PEX5: variants seen among roughly 807,000 people sequenced by gnomAD.
PEX5 encodes PTS1 receptor.
Under a neutral mutation model 82.9 loss-of-function variants are expected in PEX5, and 52 were observed. The observed-to-expected ratio is 0.63, with a 90% CI of 0.50 to 0.79. The LOEUF (loss-of-function observed/expected upper bound fraction) is 0.79, where lower values mean the gene tolerates loss of function less well. Ranked by LOEUF, PEX5 falls within the 30% of genes least tolerant of loss-of-function variation. The probability of loss-of-function intolerance (pLI) is 0.00; values close to 1 mark genes in which losing one functional copy is unlikely to be tolerated. For missense variants in PEX5, 719 were observed against 815.2 expected (o/e 0.88, Z 1.44); for synonymous variants, 300 against 318.8 (o/e 0.94, Z 0.63).
At chr12:7,191,144 T>C in intron 3 of PEX5, 82 bp from the exon 4 acceptor site, 1 of 1,493,208 alleles carries the variant, frequency 6.7e-7, no homozygotes, top group South Asian at 1.1e-5. Context: ...TATCTAACAT[T>C]GGGATCCCCC....
intron 5 of PEX5, among the ~76,000 whole-genome samples, chr12:7,192,852 G>A (rs1017870056): frequency 2.0e-5 from 3 of 152,158 alleles, no homozygotes; most frequent in Non-Finnish European, 4.4e-5. Flanking sequence ...CTTCTTACCC[G>A]AAGCCTATCT....
rs1272594307 is a variant in PEX5 at position 7,199,097 on chromosome 12, A to G, written c.535A>G (p.Thr179Ala). Residue 179 changes from threonine to alanine, a missense_variant, in exon 6 of 16, where the codon ACA becomes GCA. Thr to Ala is a moderately conservative substitution (Grantham distance 58). Coordinates refer to ENST00000675855, the MANE Select transcript of PEX5 (RefSeq NM_001351132.2). ...GCTGTGGCTGGGAGAACCTGAGGGA[A>G]CAGCCACCGATCGCTGGTGAGTTCA... ...EKLWLGEPEG[T>A]ATDRWYDEYH... 6.3e-7 allele frequency: 1 copy of G among 1,598,074 alleles called. No individual in the cohort carries two copies. Among genetic ancestry groups the G allele is most frequent in the South Asian group, 1.1e-5 (1 of 89,150 alleles).
chr12:7,199,793 G>A (rs976266693), intron 6 of PEX5, among the ~76,000 whole-genome samples: 3 of 150,318 alleles, frequency 2.0e-5, no homozygotes, highest in Non-Finnish European at 3.0e-5. Context: ...GGGCAGAGGC[G>A]CCCCTCACCT....
intron 6 of PEX5, 127 bp downstream of exon 6, chr12:7,199,240 T>G (rs1330026835): frequency 2.2e-6 from 1 of 445,046 alleles, no homozygotes; most frequent in African/African-American, 2.3e-5. Flanking sequence ...CATTCTTGGG[T>G]GTTTCTTGCA....
chr12:7,197,394 A>ATATATGTCATATATAATGTAATAAT (rs1942865182), intron 5 of PEX5, among the ~76,000 whole-genome samples: 2 of 50,090 alleles, frequency 4.0e-5, no homozygotes, highest in African/African-American at 1.8e-4. Context: ...TGTAATAATT[A>ATATATGTCATATATAATGTAATAAT]TATATATGTC....
chr12:7,201,911 A>T, intron 7 of PEX5, 70 bp downstream of exon 7: 1 of 1,116,174 alleles, frequency 9.0e-7, no homozygotes, highest in Non-Finnish European at 1.4e-6. Context: ...TGCTTTTCTT[A>T]CCCCAGTTTA....
rs1189105276 is a variant in PEX5 at position 7,189,940 on chromosome 12, C to T, written c.-17+190C>T. ...GGTGACTTAAGGGGAGGGAATGCTC[C>T]TCTGCCGTGCTCACCGCGTGCTGGG... On this transcript the variant is annotated intron_variant, in intron 1 of 15. Coordinates refer to ENST00000675855, the MANE Select transcript of PEX5 (RefSeq NM_001351132.2). 3.4e-6 allele frequency: 5 copies of T among 1,484,414 alleles called. No individual in the cohort carries two copies. In the East Asian group the frequency reaches 7.6e-5, roughly 23 times the overall value. The allele number at this position is 1,484,414 out of a possible 1,614,324, so 92.0% of individuals were successfully genotyped here. A position where few individuals can be genotyped will look rare whatever the true frequency, so the allele number is the denominator to read the frequency against.
rs753917720 is a variant in PEX5, at chr12:7,209,019, A to G, written c.1409A>G (p.Glu470Gly). Residue 470 changes from glutamate to glycine, a missense_variant, in exon 14 of 16, where the codon GAA becomes GGA. Coordinates refer to ENST00000675855, the MANE Select transcript of PEX5 (RefSeq NM_001351132.2). ...TTTTCATCCAGCTCCCTGTTTCTTG[A>G]AGTGAAAGAGCTCTTCCTGGCAGCT... ...GSLLSDSLFL[E>G]VKELFLAAVR... 1 of 1,613,998 alleles carries G rather than the reference A, an allele frequency of 6.2e-7. No homozygotes were observed. Among genetic ancestry groups the G allele is most frequent in the Non-Finnish European group, 8.5e-7 (1 of 1,179,966 alleles).
In PEX5 at chr12:7,207,726, G is replaced by T. The variant is rs1423103418; in HGVS notation, c.1034G>T (p.Arg345Leu). Residue 345 changes from arginine (R) to leucine (L), a missense_variant, in exon 11 of 16, where the codon CGC (arginine) becomes CTC (leucine). Coordinates refer to ENST00000675855, the MANE Select transcript of PEX5 (RefSeq NM_001351132.2). ...CAGCCTTTTGAAGAAGGGCTGCGGCGCCTTCAGGAGGGGGACCTGCCAAAT... is the reference window on the plus strand; with the variant it reads ...CAGCCTTTTGAAGAAGGGCTGCGGCTCCTTCAGGAGGGGGACCTGCCAAAT... ...HPQPFEEGLR[R>L]LQEGDLPNAV... The T allele has an allele frequency of 6.2e-7, 1 of 1,614,058 alleles. No individual in the cohort carries two copies. The highest frequency in any genetic ancestry group is 1.1e-5 in the South Asian group (1 of 91,086).
At position 7,210,638 on chromosome 12, in the gene PEX5, AAGT is replaced by A. The variant is rs1219388998; in HGVS notation, c.*418_*420del. On this transcript the variant is annotated 3_prime_UTR_variant, in exon 16 of 16. Transcript: ENST00000675855. The stretch of plus-strand genomic sequence containing the variant: ...ATAGTCCAGCTTCCTTGGGCAGTGT[AAGT>A]AGGAGGTTCATCTGCTGTGCGCCTC... 13 of 328,234 alleles carry A rather than the reference AAGT, an allele frequency of 4.0e-5. No homozygotes were observed. Among genetic ancestry groups the A allele is most frequent in the Non-Finnish European group, 7.1e-5 (12 of 169,026 alleles). The allele number at this position is 328,234 out of a possible 1,614,324, so 20.3% of individuals were successfully genotyped here.
At chr12:7,190,958 C>A in intron 3 of PEX5, 35 bp downstream of exon 3, 1 of 1,590,278 alleles carries the variant, frequency 6.3e-7, no homozygotes, top group East Asian at 2.2e-5. Context: ...TCCCATTTTT[C>A]TCTTGCCCAC....
At chr12:7,192,673 C>T (rs1030408410) in intron 5 of PEX5, among the ~76,000 whole-genome samples, 2 of 152,084 alleles carry the variant, frequency 1.3e-5, no homozygotes, top group African/African-American at 4.8e-5. Context: ...CTCGGGGAGT[C>T]ACATCATCAT....
chr12:7,201,828 T>G lies in PEX5; in HGVS notation c.629T>G (p.Leu210Trp). ...GTGGCCAAAGTGGATGACCCCAAAT[T>G]GGCTAATTCTGAGGTGAGCCACATC... ...DFVAKVDDPK[L>W]ANSEFLKFVR... is the part of the protein sequence containing the mutation. The change falls in exon 7 of 16, where the codon TTG becomes TGG. Residue 210 changes from leucine (L) to tryptophan (W), a missense_variant. By Grantham distance (61) the Leu-to-Trp change is moderately conservative. Transcript: ENST00000675855. The G allele has an allele frequency of 1.2e-6, 2 of 1,612,820 alleles. No individual in the cohort carries two copies. The highest frequency in any genetic ancestry group is 1.7e-6 in the Non-Finnish European group (2 of 1,178,854).
At chr12:7,216,466 A>G (rs778887324), downstream of PEX5, among the ~76,000 whole-genome samples, 1 of 152,302 alleles carries the variant, frequency 6.6e-6, no homozygotes, top group Non-Finnish European at 1.5e-5. Context: ...CTGTGGGAAA[A>G]ATGGGAGAGA....
downstream of PEX5, among the ~76,000 whole-genome samples, chr12:7,216,211 A>T (rs766434710): frequency 5.3e-5 from 8 of 152,004 alleles, no homozygotes; most frequent in Non-Finnish European, 1.2e-4. Context: ...CAGGTGATCC[A>T]CCCGCCTTAG....
At chr12:7,195,821 G>A (rs968772020) in intron 5 of PEX5, among the ~76,000 whole-genome samples, 1 of 150,940 alleles carries the variant, frequency 6.6e-6, no homozygotes, top group African/African-American at 2.4e-5. Flanking sequence ...GGAACTAGGA[G>A]ATCTTAAAGT....
chr12:7,210,064 G>A lies in PEX5; in HGVS notation c.1761G>A (p.Arg587=). 2 of 1,614,222 alleles carry A rather than the reference G, an allele frequency of 1.2e-6. No homozygotes were observed. Among genetic ancestry groups the A allele is most frequent in the Non-Finnish European group, 1.7e-6 (2 of 1,180,034 alleles). ...TTCTGGAGGCCCTGAACATGCAGAG[G>A]AAAAGCCGGGGCCCCCGGGGTGAAG... ...EHFLEALNMQ[R]KSRGPRGEGG... The change falls in exon 16 of 16, where the codon AGG becomes AGA. Residue 587 remains arginine (R), a synonymous_variant. Transcript: ENST00000675855.
chr12:7,215,141 CAAAT>C (rs1187279557), downstream of PEX5, among the ~76,000 whole-genome samples: 5 of 152,018 alleles, frequency 3.3e-5, no homozygotes, highest in East Asian at 5.8e-4. Flanking sequence ...ATTTGGTCAA[CAAAT>C]AAATGAAAAA....
downstream of PEX5, among the ~76,000 whole-genome samples, chr12:7,212,185 G>C (rs142391840): frequency 1.3e-5 from 2 of 151,630 alleles, no homozygotes; most frequent in Admixed American, 6.6e-5. Flanking sequence ...GGCTGGTCTC[G>C]AACGCCCGAC....
Sources: allele counts gnomAD v4.1 joint callset (sites outside exome capture counted in the v4.1 genomes callset), GRCh38; gene constraint gnomAD v4.1.1; transcripts MANE v1.5; gene names NCBI Gene and HGNC (gene_info 2026-07-23, HGNC 2026-07-21).